DGKB: variants seen among roughly 807,000 people sequenced by gnomAD.
The protein encoded by DGKB is diacylglycerol kinase beta.
In DGKB, 67 loss-of-function variants were observed where a neutral mutation model predicts 114.3. That is an observed-to-expected ratio of 0.59 (90% CI 0.48 to 0.72). The LOEUF is 0.72. Among genes scored for constraint, DGKB ranks in the 30% least tolerant of loss-of-function variants. The probability of loss-of-function intolerance (pLI) is 0.00; values close to 1 mark genes in which losing one functional copy is unlikely to be tolerated. For synonymous variants in DGKB, 398 were observed against 323.1 expected (o/e 1.23, Z -2.49); for missense variants, 907 against 975.2 (o/e 0.93, Z 0.93).
Position 14,954,160 on chromosome 7 carries a change from A to T in DGKB, c.-188+20536T>A, listed in dbSNP as rs901409068. Among the ~76,000 whole-genome samples, 5 of 152,082 alleles carry T rather than the reference A, an allele frequency of 3.3e-5. No homozygotes were observed. The East Asian group carries it at 7.8e-4, about 24-fold the overall frequency. On this transcript the variant is annotated intron_variant, in intron 1 of 4. Coordinates refer to the DGKB transcript ENST00000437998. ...GGTGTGGGCCTGTTTGCCTAAGTCA[A>T]TAACCTTGACATCCTCTCTGTCTTC...
chr7:14,154,066 C>G (rs994751445), intron 25 of DGKB, among the ~76,000 whole-genome samples: 1 of 151,400 alleles, frequency 6.6e-6, no homozygotes, highest in African/African-American at 2.4e-5. Flanking sequence ...CAACTCAGAT[C>G]CAGGATGACA....
At chr7:14,847,318 G>A (rs1249420357) in intron 1 of DGKB, among the ~76,000 whole-genome samples, 1 of 148,814 alleles carries the variant, frequency 6.7e-6, no homozygotes, top group East Asian at 2.0e-4. Flanking sequence ...AAGACATACT[G>A]AAGAATATAC....
intron 20 of DGKB, among the ~76,000 whole-genome samples, chr7:14,498,959 G>A (rs961324866): frequency 8.6e-5 from 13 of 151,670 alleles, no homozygotes; most frequent in African/African-American, 3.1e-4. Flanking sequence ...TAAACATGAA[G>A]GATTTTGAAA....
chr7:14,553,056 G>A (rs1795335076), intron 20 of DGKB, among the ~76,000 whole-genome samples: 1 of 152,218 alleles, frequency 6.6e-6, no homozygotes, highest in East Asian at 1.9e-4. Context: ...ATGTTAAGAA[G>A]CAAATGGGAA....
chr7:14,162,568 T>C (rs930890778), intron 25 of DGKB, among the ~76,000 whole-genome samples: 11 of 152,312 alleles, frequency 7.2e-5, no homozygotes, highest in Non-Finnish European at 1.5e-5. Context: ...CATGAGAATA[T>C]GATTATGAGA....
intron 25 of DGKB, among the ~76,000 whole-genome samples, chr7:14,175,029 C>A (rs899815754): frequency 5.9e-5 from 9 of 152,152 alleles, no homozygotes; most frequent in Non-Finnish European, 1.2e-4. Flanking sequence ...CAGAGTAAAA[C>A]CATTACAAAG....
intron 23 of DGKB, among the ~76,000 whole-genome samples, chr7:14,267,121 T>C (rs1797629872): frequency 6.6e-6 from 1 of 152,206 alleles, no homozygotes; most frequent in South Asian, 2.1e-4. Flanking sequence ...TTTGATGTTT[T>C]TTCTATCAAG....
chr7:14,653,359 C>T (rs1175387563), intron 13 of DGKB, among the ~76,000 whole-genome samples: 2 of 152,084 alleles, frequency 1.3e-5, no homozygotes, highest in African/African-American at 2.4e-5. Flanking sequence ...TTTGTAGGGA[C>T]ATGGATGAAA....
chr7:14,291,406 G>T (rs901138053), intron 23 of DGKB, among the ~76,000 whole-genome samples: 10 of 152,236 alleles, frequency 6.6e-5, no homozygotes, highest in Admixed American at 2.0e-4. Context: ...ATATAGGAAA[G>T]AATTTTATTT....
At chr7:14,913,082 C>A (rs926361554) in intron 1 of DGKB, among the ~76,000 whole-genome samples, 9 of 152,066 alleles carry the variant, frequency 5.9e-5, no homozygotes, top group African/African-American at 2.2e-4. Context: ...CTCTTCTTAG[C>A]TTCGCCAGCC....
chr7:14,262,898 T>A (rs1478254945), intron 23 of DGKB, among the ~76,000 whole-genome samples: 1 of 152,100 alleles, frequency 6.6e-6, no homozygotes, highest in African/African-American at 2.4e-5. Flanking sequence ...GACGTTTTAT[T>A]AAACAAATCA....
At chr7:14,685,009 A>C (rs1011905600) in intron 10 of DGKB, among the ~76,000 whole-genome samples, 3 of 152,196 alleles carry the variant, frequency 2.0e-5, no homozygotes, top group African/African-American at 7.2e-5. Flanking sequence ...AGTGGAAAGA[A>C]AATTGCTGAA....
intron 1 of DGKB, among the ~76,000 whole-genome samples, chr7:14,886,692 C>T (rs972989570): frequency 1.3e-5 from 2 of 151,906 alleles, no homozygotes; most frequent in African/African-American, 4.8e-5. Context: ...ACCTTTATTA[C>T]CACAATAGCT....
chr7:14,655,262 A>G (rs906866636), intron 13 of DGKB, among the ~76,000 whole-genome samples: 2 of 151,828 alleles, frequency 1.3e-5, no homozygotes, highest in Admixed American at 1.3e-4. Context: ...AAGAAATACA[A>G]ATGGCCAAAA....
chr7:14,363,378 T>C lies in DGKB; in HGVS notation c.1836-17987A>G, dbSNP rs567618010. Among the ~76,000 whole-genome samples, 9 of 152,224 alleles carry C rather than the reference T, an allele frequency of 5.9e-5. No individual in the cohort carries two copies. The East Asian group carries it at 1.4e-3, about 23-fold the overall frequency. Reference sequence around the variant, plus strand: ...AGAAAAGACACGAACTGTTCAAGTATTCACACAAATATTGTGAAATTGCTA... The same window carrying C: ...AGAAAAGACACGAACTGTTCAAGTACTCACACAAATATTGTGAAATTGCTA... On this transcript the variant is annotated intron_variant, in intron 21 of 25. Coordinates refer to ENST00000402815, the MANE Select transcript of DGKB (RefSeq NM_001350709.2).
intron 23 of DGKB, among the ~76,000 whole-genome samples, chr7:14,324,462 A>AC (rs398003735): frequency 6.6e-5 from 10 of 150,882 alleles, no homozygotes; most frequent in Non-Finnish European, 1.5e-4. Flanking sequence ...AAAAAAAAAA[A>AC]GAAAGAATGT....
At chr7:14,318,952 C>T in intron 23 of DGKB, among the ~76,000 whole-genome samples, 1 of 151,962 alleles carries the variant, frequency 6.6e-6, no homozygotes, top group Non-Finnish European at 1.5e-5. Flanking sequence ...GAATACTATG[C>T]AGCCATAAAA....
At chr7:14,904,321 AT>A (rs1420047354), upstream of DGKB, among the ~76,000 whole-genome samples, 1 of 152,198 alleles carries the variant, frequency 6.6e-6, no homozygotes, top group African/African-American at 2.4e-5. Context: ...TTTTGATTTT[AT>A]TTGTAATGCA....
chr7:14,925,920 G>T (rs1421136964), intron 1 of DGKB, among the ~76,000 whole-genome samples: 4 of 151,908 alleles, frequency 2.6e-5, no homozygotes, highest in African/African-American at 9.7e-5. Context: ...GTTTATCACA[G>T]TGGGTAGAAA....
Sources: gnomAD v4.1 joint callset for allele counts (sites outside exome capture counted in the v4.1 genomes callset) on GRCh38, gnomAD v4.1.1 for gene constraint, MANE v1.5 for transcripts, NCBI Gene and HGNC (gene_info 2026-07-23, HGNC 2026-07-21) for gene names.